Variants in MGAT4B observed in about 807,000 individuals in gnomAD.
MGAT4B encodes alpha-1,3-mannosyl-glycoprotein 4-beta-N-acetylglucosaminyltransferase B.
A neutral mutation model predicts 73.9 loss-of-function variants in MGAT4B; 38 were observed. The observed-to-expected ratio is 0.51, with a 90% CI of 0.40 to 0.67. MGAT4B has a LOEUF of 0.67. Among genes scored for constraint, MGAT4B ranks in the 30% least tolerant of loss-of-function variants. The probability of loss-of-function intolerance (pLI) is 0.00; values close to 1 mark genes in which losing one functional copy is unlikely to be tolerated. For missense variants in MGAT4B, 686 were observed against 735.2 expected (o/e 0.93, Z 0.77); for synonymous variants, 373 against 313.5 (o/e 1.19, Z -2.01).
At position 179,798,138 on chromosome 5, in the gene MGAT4B, G is replaced by A. The variant is rs776039475; in HGVS notation, c.1623+27C>T. The A allele has an allele frequency of 1.9e-6, 3 of 1,589,944 alleles. 1 individual carries two copies. The highest frequency in any genetic ancestry group is 8.6e-7 in the Non-Finnish European group (1 of 1,168,738). ...CAGGGTCTCCCTGGCTGCTCCCCGT[G>A]CCTGGCCTGGCCCTGCCCAGCCTCA... is the stretch of plus-strand genomic sequence containing the variant. On this transcript the variant is annotated intron_variant, in intron 14 of 14. Transcript: ENST00000292591.
At chr5:179,802,248 T>G (rs1756979379) in intron 1 of MGAT4B, 1 of 1,424,104 alleles carries the variant, frequency 7.0e-7, no homozygotes, top group Non-Finnish European at 9.1e-7. Flanking sequence ...GAAATACGAT[T>G]TCCAGACCTA....
At chr5:179,802,809 G>A in intron 1 of MGAT4B, 1 of 985,570 alleles carries the variant, frequency 1.0e-6, no homozygotes, top group Non-Finnish European at 1.2e-6. Flanking sequence ...ACAACCTCCT[G>A]GTGGCTCGGT....
Position 179,806,571 on chromosome 5 carries a change from TG to T in MGAT4B, c.12del (p.Asn5MetfsTer5). 7.8e-7 allele frequency: 1 copy of T among 1,287,520 alleles called. No individual in the cohort carries two copies. The allele number at this position is 1,287,520 out of a possible 1,614,324, so 79.8% of individuals were successfully genotyped here. MRLRNGTFLTLLLF... is the reference protein window; with the variant it reads MRLXNGTFLTLLLF... The stretch of plus-strand genomic sequence containing the variant: ...AGCAGCAGCGTCAGGAAGGTGCCAT[TG>T]CGGAGCCTCATCTCCTCGGGTGCGC... On this transcript the variant is annotated frameshift_variant, in exon 1 of 15. Transcript: ENST00000292591. LOFTEE classifies it high-confidence loss of function. This position sits in a 1 kb window ranked among gnomAD's most constrained non-coding sequence, Gnocchi z 4.6.
chr5:179,800,307 T>C lies in MGAT4B; in HGVS notation c.720-48A>G, dbSNP rs138684867. On this transcript the variant is annotated intron_variant, in intron 6 of 14. Coordinates refer to ENST00000292591, the MANE Select transcript of MGAT4B (RefSeq NM_014275.5). ...AGAAGTTCAGACCCCTCCACCTCCA[T>C]TGTGGCTCCGCAGAGAAGCCGCTGG... 978 of 1,602,078 alleles carry C rather than the reference T, an allele frequency of 6.1e-4. 5 individuals are homozygous for C. The African/African-American group carries it at 0.01, about 17-fold the overall frequency.
rs189145413 is a variant in MGAT4B at position 179,799,835 on chromosome 5, C to T, written c.910+119G>A. 448 of 1,241,842 alleles carry T rather than the reference C, an allele frequency of 3.6e-4. 3 individuals carry two copies. In the African/African-American group the frequency reaches 5.7e-3, roughly 16 times the overall value. 76.9% of individuals were successfully genotyped at this position (1,241,842 alleles called of 1,614,324 possible). On this transcript the variant is annotated intron_variant, in intron 8 of 14. Transcript: ENST00000292591. ...GAACAGGCCAGGTGGGGCTGTAGCACGCACACCAGGCAGGGCCCACCTGGG... is the reference window on the plus strand; with the variant it reads ...GAACAGGCCAGGTGGGGCTGTAGCATGCACACCAGGCAGGGCCCACCTGGG...
chr5:179,800,801 C>A, intron 5 of MGAT4B, 106 bp downstream of exon 5: 1 of 1,334,720 alleles, frequency 7.5e-7, no homozygotes, highest in East Asian at 2.4e-5. Flanking sequence ...CCTGCCTCCC[C>A]ACGAGATAGG....
chr5:179,801,235 A>G lies in MGAT4B; in HGVS notation c.558+99T>C, dbSNP rs1756910508. On this transcript the variant is annotated intron_variant, in intron 4 of 14. Transcript: ENST00000292591. This position sits in a 1 kb window ranked among gnomAD's most constrained non-coding sequence, Gnocchi z 4.8. ...ATTTGCGAATGAAACTAGCAACTGA[A>G]CTTCCGACAGCTTTCTCCTCGGAAT... 6.9e-7 allele frequency: 1 copy of G among 1,445,706 alleles called. No individual in the cohort carries two copies. The highest frequency in any genetic ancestry group is 1.4e-5 in the South Asian group (1 of 71,960). 89.6% of individuals were successfully genotyped at this position (1,445,706 alleles called of 1,614,324 possible). A position where few individuals can be genotyped will look rare whatever the true frequency, so the allele number is the denominator to read the frequency against.
chr5:179,801,512 C>T lies in MGAT4B; in HGVS notation c.424+42G>A, dbSNP rs1165398027. 3.1e-6 allele frequency: 5 copies of T among 1,602,304 alleles called. No individual in the cohort carries two copies. The highest frequency in any genetic ancestry group is 1.3e-5 in the African/African-American group (1 of 74,620). On this transcript the variant is annotated intron_variant, in intron 3 of 14. Transcript: ENST00000292591. The surrounding 1 kb of genome is among the most constrained non-coding windows in gnomAD (Gnocchi z 4.8). The stretch of plus-strand genomic sequence containing the variant: ...GACGCTGGAAAGGGTGCGGGGGCCA[C>T]CCGTCCCCCCACCCCGTGCTCCTCC...
In MGAT4B at chr5:179,800,582, G is replaced by A. The variant is rs1756871929; in HGVS notation, c.621C>T (p.Ile207=). 1 of 1,609,698 alleles carries A rather than the reference G, an allele frequency of 6.2e-7. No homozygotes were observed. The highest frequency in any genetic ancestry group is 1.7e-5 in the Admixed American group (1 of 59,780). ...AGATGACCTCCAGGAGCCCAGAATG[G>A]ATCTCCGTGGGGAACCTGGGGGACG... ...ENIKALFPTE[I]HSGLLEVISP... Residue 207 remains isoleucine, a synonymous_variant, in exon 6 of 15, where the codon ATC becomes ATT. Transcript: ENST00000292591.
At position 179,798,188 on chromosome 5, in the gene MGAT4B, G is replaced by A. The variant is rs1197107351; in HGVS notation, c.1600C>T (p.Pro534Ser). ...ACCTCGCTCAGAATCACCCACACAG[G>A]GGAGTCCGTCTGGATCGAGAGGCGC... ...ALRLSIQTDS[P>S]VWVILSEIFL... is the part of the protein sequence containing the mutation. Residue 534 changes from proline (P) to serine (S), a missense_variant, in exon 14 of 15, where the codon CCT becomes TCT. By Grantham distance (74) the Pro-to-Ser change is moderately conservative. This residue lies in a region of MGAT4B where 449 missense variants were observed against 536.8 expected (regional missense o/e 0.84). Transcript: ENST00000292591. 2 of 1,596,922 alleles carry A rather than the reference G, an allele frequency of 1.3e-6. No homozygotes were observed. The highest frequency in any genetic ancestry group is 1.7e-6 in the Non-Finnish European group (2 of 1,170,998).
chr5:179,797,909 C>A lies in MGAT4B; in HGVS notation c.*136G>T. On this transcript the variant is annotated 3_prime_UTR_variant, in exon 15 of 15. Transcript: ENST00000292591. ...GGGCCTCCGGGCCAGCGGCGGACCC[C>A]AGGCCGGCCCAAGCCCGACGCCAGG... is the stretch of plus-strand genomic sequence containing the variant. 1 of 1,296,740 alleles carries A rather than the reference C, an allele frequency of 7.7e-7. No individual in the cohort carries two copies. Among genetic ancestry groups the A allele is most frequent in the Non-Finnish European group, 1.1e-6 (1 of 934,222 alleles). 80.3% of individuals were successfully genotyped at this position (1,296,740 alleles called of 1,614,324 possible). A position where few individuals can be genotyped will look rare whatever the true frequency, so the allele number is the denominator to read the frequency against.
At position 179,804,033 on chromosome 5, in the gene MGAT4B, A is replaced by C. The variant is rs1019082046; in HGVS notation, c.98-2064T>G. The stretch of plus-strand genomic sequence containing the variant: ...GGACCAGCCTGGGAGCCCCTGCCAC[A>C]CTTTCTTGCCTCAGGACCACGTTGT... On this transcript the variant is annotated intron_variant, in intron 1 of 14. Coordinates refer to ENST00000292591, the MANE Select transcript of MGAT4B (RefSeq NM_014275.5). Among the ~76,000 whole-genome samples, 106 of 152,262 alleles carry C rather than the reference A, an allele frequency of 7.0e-4. 1 individual carries two copies. Among genetic ancestry groups the C allele is most frequent in the African/African-American group, 2.4e-3 (98 of 41,550 alleles).
intron 5 of MGAT4B, 139 bp downstream of exon 5, chr5:179,800,768 A>T: frequency 1.9e-6 from 2 of 1,045,146 alleles, no homozygotes; most frequent in Non-Finnish European, 2.8e-6. Context: ...ACTTCTGCAC[A>T]CCCACCCCTC....
rs202108423 is a variant in MGAT4B at position 179,799,472 on chromosome 5, C to T, written c.1041+34G>A. The T allele has an allele frequency of 9.5e-5, 153 of 1,612,870 alleles. 1 individual carries two copies. The East Asian group carries it at 3.3e-3, about 35-fold the overall frequency. On this transcript the variant is annotated intron_variant, in intron 9 of 14. Coordinates refer to ENST00000292591, the MANE Select transcript of MGAT4B (RefSeq NM_014275.5). ...GGGTGGAGGCTGCCTGCCCCTTGGC[C>T]CTGCCCCTGCCAGTCCCGCCAGCTC... is the stretch of plus-strand genomic sequence containing the variant.
In MGAT4B at chr5:179,806,493, G is replaced by C. The variant is rs1757165288; in HGVS notation, c.91C>G (p.Gln31Glu). Residue 31 changes from glutamine (Q) to glutamate (E), a missense_variant, in exon 1 of 15, where the codon CAG becomes GAG. Physicochemically the swap from Gln to Glu is conservative, Grantham distance 29 (BLOSUM62 2). Coordinates refer to ENST00000292591, the MANE Select transcript of MGAT4B (RefSeq NM_014275.5). This position sits in a 1 kb window ranked among gnomAD's most constrained non-coding sequence, Gnocchi z 4.6. ...SLSWYAALSG[Q>E]KGDVVDVYQR... is the part of the protein sequence containing the mutation. ...GGGCGGGGGTCGCGCTCACCTTTCT[G>C]GCCGCTGAGTGCCGCGTACCAGGAC... 7.6e-6 allele frequency: 10 copies of C among 1,309,216 alleles called. No homozygotes were observed. The highest frequency in any genetic ancestry group is 1.0e-5 in the Non-Finnish European group (10 of 1,003,246). 81.1% of individuals were successfully genotyped at this position (1,309,216 alleles called of 1,614,324 possible). A position where few individuals can be genotyped will look rare whatever the true frequency, so the allele number is the denominator to read the frequency against.
In MGAT4B at chr5:179,797,905, AC is replaced by A; in HGVS notation, c.*139del. The stretch of plus-strand genomic sequence containing the variant: ...CCTAGGGCCTCCGGGCCAGCGGCGG[AC>A]CCCAGGCCGGCCCAAGCCCGACGCC... On this transcript the variant is annotated 3_prime_UTR_variant, in exon 15 of 15. Transcript: ENST00000292591. 3.2e-6 allele frequency: 4 copies of A among 1,234,120 alleles called. No individual in the cohort carries two copies. Among genetic ancestry groups the A allele is most frequent in the Non-Finnish European group, 4.5e-6 (4 of 883,084 alleles). 76.4% of individuals were successfully genotyped at this position (1,234,120 alleles called of 1,614,324 possible).
At position 179,798,397 on chromosome 5, in the gene MGAT4B, C is replaced by G; in HGVS notation, c.1460G>C (p.Arg487Pro). The change falls in exon 13 of 15, where the codon CGC becomes CCC. Residue 487 changes from arginine (R) to proline (P), a missense_variant. By Grantham distance (103) the Arg-to-Pro change is moderately radical (BLOSUM62 -2). Around this residue, in one of 2 missense-constraint regions of MGAT4B, gnomAD observed 449 missense variants for 536.8 expected, o/e 0.84. Coordinates refer to ENST00000292591, the MANE Select transcript of MGAT4B (RefSeq NM_014275.5). Reference sequence around the variant, plus strand: ...CCGAGGGTACCGGAGGGTGGCGGTGCGGCCCTCCTGCAGGGCCTCCTTGTC... The same window carrying G: ...CCGAGGGTACCGGAGGGTGGCGGTGGGGCCCTCCTGCAGGGCCTCCTTGTC... ...QSDKEALQEG[R>P]TATLRYPRSP... 1 of 1,612,606 alleles carries G rather than the reference C, an allele frequency of 6.2e-7. No individual in the cohort carries two copies. Among genetic ancestry groups the G allele is most frequent in the South Asian group, 1.1e-5 (1 of 91,036 alleles).
chr5:179,800,190 G>A lies in MGAT4B; in HGVS notation c.789C>T (p.Tyr263=), dbSNP rs775024586. The A allele has an allele frequency of 7.0e-5, 113 of 1,613,588 alleles. No individual in the cohort carries two copies. The East Asian group carries it at 1.7e-3, about 24-fold the overall frequency. Residue 263 remains tyrosine (Y), a synonymous_variant, in exon 7 of 15, where the codon TAC becomes TAT. Coordinates refer to ENST00000292591, the MANE Select transcript of MGAT4B (RefSeq NM_014275.5). Reference sequence around the variant, plus strand: ...CGCAGGGCTTGGGGCTGACCTGCACGTAGTAGATGCCTTTGGACTGCGCGT... The same window carrying A: ...CGCAGGGCTTGGGGCTGACCTGCACATAGTAGATGCCTTTGGACTGCGCGT... ...MMYAQSKGIY[Y]VQLEDDIVAK...
chr5:179,800,971 A>C lies in MGAT4B; in HGVS notation c.559-18T>G, dbSNP rs1756896126. ...GAGTCAGTCTGTGGGGAGACCAAGC[A>C]CCCTCCCTTAGCCCTGCTGCTGCCC... On this transcript the variant is annotated intron_variant, in intron 4 of 14. Transcript: ENST00000292591. 1.6e-5 allele frequency: 26 copies of C among 1,612,492 alleles called. No individual in the cohort carries two copies. The highest frequency in any genetic ancestry group is 2.1e-5 in the Non-Finnish European group (25 of 1,179,550).
Sources: allele counts gnomAD v4.1 joint callset (sites outside exome capture counted in the v4.1 genomes callset), GRCh38; gene constraint gnomAD v4.1.1; regional missense constraint gnomAD v4.1.1; non-coding constraint Gnocchi (gnomAD v3.1); transcripts MANE v1.5; gene names NCBI Gene and HGNC (gene_info 2026-07-23, HGNC 2026-07-21).